Variants in CDK14 observed in about 807,000 individuals in gnomAD.
CDK14 encodes cyclin-dependent kinase 14.
Under a neutral mutation model 60.7 loss-of-function variants are expected in CDK14, and 34 were observed. The observed-to-expected ratio is 0.56, with a 90% CI of 0.43 to 0.75. CDK14 has a LOEUF of 0.75. Among genes scored for constraint, CDK14 ranks in the 30% least tolerant of loss-of-function variants. CDK14 has a pLI of 0.00. For synonymous variants in CDK14, 197 were observed against 203.7 expected (o/e 0.97, Z 0.28); for missense variants, 482 against 564.1 (o/e 0.85, Z 1.47).
intron 5 of CDK14, among the ~76,000 whole-genome samples, chr7:90,808,594 A>G (rs909582971): frequency 2.0e-5 from 3 of 152,218 alleles, no homozygotes; most frequent in African/African-American, 7.2e-5. Context: ...TCATAATGAC[A>G]GGATCAAATT....
At chr7:91,183,871 C>T (rs376271564) in intron 14 of CDK14, among the ~76,000 whole-genome samples, 29 of 152,300 alleles carry the variant, frequency 1.9e-4, no homozygotes, top group Admixed American at 3.3e-4. Context: ...CTGGCCTATG[C>T]CAAGCACAGT....
At chr7:90,994,680 C>T (rs1795631073) in intron 10 of CDK14, among the ~76,000 whole-genome samples, 1 of 152,128 alleles carries the variant, frequency 6.6e-6, no homozygotes, top group African/African-American at 2.4e-5. Context: ...TACTGCTTCC[C>T]GTGCTAAATA....
intron 5 of CDK14, among the ~76,000 whole-genome samples, chr7:90,811,153 T>C (rs930596877): frequency 5.3e-5 from 8 of 152,060 alleles, no homozygotes; most frequent in Non-Finnish European, 8.8e-5. Context: ...GAGCCCCCAT[T>C]GCCAAGTCAA....
At chr7:90,606,974 C>T (rs148667169) in intron 2 of CDK14, among the ~76,000 whole-genome samples, 23 of 152,246 alleles carry the variant, frequency 1.5e-4, no homozygotes, top group African/African-American at 4.8e-4. Context: ...TAACAACCAA[C>T]ATAAGATTAC....
rs185089894 is a variant in CDK14, at chr7:90,617,444, C to G, written c.123+13195C>G. On this transcript the variant is annotated intron_variant, in intron 2 of 14. Coordinates refer to ENST00000380050, the MANE Select transcript of CDK14 (RefSeq NM_001287135.2). The stretch of plus-strand genomic sequence containing the variant: ...GAAACAACTGATTTTGGTAGTAATT[C>G]TAGCAGATGAATTACTGCTAGAATT... 3.9e-5 allele frequency among the ~76,000 whole-genome samples: 6 copies of G among 152,138 alleles called. No homozygotes were observed. The East Asian group carries it at 7.7e-4, about 20-fold the overall frequency.
intron 6 of CDK14, among the ~76,000 whole-genome samples, chr7:90,888,377 G>T (rs1792018584): frequency 6.6e-6 from 1 of 151,942 alleles, no homozygotes; most frequent in South Asian, 2.1e-4. Flanking sequence ...AAAGTAACAG[G>T]TACCTGAAGC....
At chr7:91,008,363 C>G (rs67019390) in intron 10 of CDK14, among the ~76,000 whole-genome samples, 25,049 of 152,012 alleles carry the variant, frequency 0.16, 2,207 homozygotes, top group African/African-American at 0.18. Context: ...GCTACCTGAA[C>G]AAGCAGTGCA....
chr7:90,794,255 C>T (rs190221825), intron 5 of CDK14, among the ~76,000 whole-genome samples: 12 of 152,104 alleles, frequency 7.9e-5, no homozygotes, highest in Admixed American at 2.0e-4. Context: ...ATCACAGGAC[C>T]GGGGCGAAAT....
At chr7:90,784,194 T>A (rs1249984373) in intron 4 of CDK14, among the ~76,000 whole-genome samples, 4 of 152,162 alleles carry the variant, frequency 2.6e-5, no homozygotes, top group Non-Finnish European at 5.9e-5. Flanking sequence ...GCACATGTTC[T>A]CAGTCATATA....
At chr7:91,157,434 A>G (rs1474154972) in intron 14 of CDK14, among the ~76,000 whole-genome samples, 1 of 152,190 alleles carries the variant, frequency 6.6e-6, no homozygotes, top group Non-Finnish European at 1.5e-5. Context: ...TTCTTCATTT[A>G]CAAGTATGAA....
At chr7:90,986,649 A>G (rs186157092) in intron 10 of CDK14, among the ~76,000 whole-genome samples, 94 of 152,116 alleles carry the variant, frequency 6.2e-4, no homozygotes, top group African/African-American at 2.2e-3. Context: ...AAACTGTTCC[A>G]TATATTTTGT....
At chr7:90,627,722 C>T (rs1323885583) in intron 2 of CDK14, among the ~76,000 whole-genome samples, 2 of 152,110 alleles carry the variant, frequency 1.3e-5, no homozygotes, top group Non-Finnish European at 2.9e-5. Flanking sequence ...AACTGTAGCA[C>T]CTAAACAGGT....
intron 14 of CDK14, among the ~76,000 whole-genome samples, chr7:91,151,666 A>G (rs1234023324): frequency 6.6e-6 from 1 of 152,218 alleles, no homozygotes; most frequent in East Asian, 1.9e-4. Flanking sequence ...ATTTGGTTCT[A>G]AAAGGTCACT....
In CDK14 at chr7:90,871,082, T is replaced by C. The variant is rs931528578; in HGVS notation, c.639+7813T>C. Among the ~76,000 whole-genome samples the C allele has an allele frequency of 3.3e-5, 5 of 152,262 alleles. No homozygotes were observed. In the East Asian group the frequency reaches 9.6e-4, roughly 29 times the overall value. Reference sequence around the variant, plus strand: ...TCTGTCGGGGTGTGCTGGAGGGCATTGTCCTTGTCCTTGTTCTATTTGATA... The same window carrying C: ...TCTGTCGGGGTGTGCTGGAGGGCATCGTCCTTGTCCTTGTTCTATTTGATA... On this transcript the variant is annotated intron_variant, in intron 6 of 14. Coordinates refer to ENST00000380050, the MANE Select transcript of CDK14 (RefSeq NM_001287135.2).
chr7:90,990,661 A>G (rs1795505120), intron 10 of CDK14, among the ~76,000 whole-genome samples: 1 of 152,160 alleles, frequency 6.6e-6, no homozygotes, highest in Non-Finnish European at 1.5e-5. Context: ...TGAGTTCATG[A>G]TAAATTTATG....
intron 10 of CDK14, among the ~76,000 whole-genome samples, chr7:91,004,470 G>A (rs1795926620): frequency 6.6e-6 from 1 of 152,156 alleles, no homozygotes; most frequent in Non-Finnish European, 1.5e-5. Context: ...ATTGGTGAGG[G>A]GCATTTCCAA....
chr7:90,789,468 C>G (rs142381691), intron 4 of CDK14, among the ~76,000 whole-genome samples: 127 of 151,826 alleles, frequency 8.4e-4, no homozygotes, highest in Non-Finnish European at 1.7e-3. Context: ...TAGATTCAAC[C>G]AAATTTGGAT....
At chr7:90,871,917 C>T (rs568240825) in intron 6 of CDK14, among the ~76,000 whole-genome samples, 31 of 152,244 alleles carry the variant, frequency 2.0e-4, no homozygotes, top group African/African-American at 7.5e-4. Flanking sequence ...TTACAATTGG[C>T]ATATATAAGT....
At chr7:90,962,866 A>G (rs767881523) in intron 9 of CDK14, among the ~76,000 whole-genome samples, 1 of 152,138 alleles carries the variant, frequency 6.6e-6, no homozygotes, top group Non-Finnish European at 1.5e-5. Flanking sequence ...AAAATTTTTT[A>G]AGAAATATAA....
Sources: allele counts gnomAD v4.1 joint callset (sites outside exome capture counted in the v4.1 genomes callset), GRCh38; gene constraint gnomAD v4.1.1; transcripts MANE v1.5; gene names NCBI Gene and HGNC (gene_info 2026-07-23, HGNC 2026-07-21).